Variants in APPBP2 observed in about 807,000 individuals in gnomAD.
APPBP2 encodes the protein amyloid protein-binding protein 2.
A neutral mutation model predicts 76.0 loss-of-function variants in APPBP2; 15 were observed. The ratio of observed to expected loss-of-function variants is 0.20; its 90% CI spans 0.13 to 0.30. APPBP2 has a LOEUF of 0.30. Among genes scored for constraint, APPBP2 ranks in the 10% least tolerant of loss-of-function variants. The pLI is 1.00. For missense variants in APPBP2, 401 were observed against 687.2 expected, an observed-to-expected ratio of 0.58 and a Z score of 4.66; for synonymous variants, 222 against 242.2, an observed-to-expected ratio of 0.92 and a Z score of 0.77.
intron 1 of APPBP2, among the ~76,000 whole-genome samples, chr17:60,521,838 A>G (rs2143509582): frequency 6.6e-6 from 1 of 152,262 alleles, no homozygotes; most frequent in Admixed American, 6.5e-5. Context: ...GCCCAAGACA[A>G]TTTATCTTCT....
At chr17:60,470,395 G>A (rs113520117) in intron 4 of APPBP2, among the ~76,000 whole-genome samples, 1 of 151,970 alleles carries the variant, frequency 6.6e-6, no homozygotes, top group Non-Finnish European at 1.5e-5. Flanking sequence ...ACGTAGCTGA[G>A]ACGACAGGCC....
At chr17:60,519,964 T>G (rs1392693581) in intron 1 of APPBP2, among the ~76,000 whole-genome samples, 1 of 151,528 alleles carries the variant, frequency 6.6e-6, no homozygotes, top group East Asian at 2.0e-4. Context: ...TTTTCTTTGT[T>G]CTAGAGATGG....
chr17:60,502,452 ATAAATACAAACAT>A (rs1275014737), intron 1 of APPBP2, among the ~76,000 whole-genome samples: 2 of 152,262 alleles, frequency 1.3e-5, no homozygotes, highest in Non-Finnish European at 2.9e-5. Flanking sequence ...AGTTACCAAA[ATAAATACAAACAT>A]ACACTCCAAA....
At chr17:60,457,552 G>A (rs2090440564) in intron 9 of APPBP2, among the ~76,000 whole-genome samples, 1 of 151,812 alleles carries the variant, frequency 6.6e-6, no homozygotes, top group Non-Finnish European at 1.5e-5. Context: ...TCAGCCTCCC[G>A]GATAGGTGGG....
chr17:60,518,017 G>T lies in APPBP2; in HGVS notation c.138+7777C>A, dbSNP rs894597559. ...GTATTAGAAAACATGCCCTTCATCT[G>T]TCAAATGCTGTCATCTGCATAGTGT... On this transcript the variant is annotated intron_variant, in intron 1 of 12. Coordinates refer to ENST00000083182, the MANE Select transcript of APPBP2 (RefSeq NM_006380.5). Among the ~76,000 whole-genome samples, 3 of 149,936 alleles carry T rather than the reference G, an allele frequency of 2.0e-5. No homozygotes were observed. The East Asian group carries it at 5.8e-4, about 29-fold the overall frequency.
intron 1 of APPBP2, among the ~76,000 whole-genome samples, chr17:60,513,997 T>TAAAA (rs35785295): frequency 2.8e-5 from 3 of 108,562 alleles, no homozygotes; most frequent in Non-Finnish European, 1.9e-5. Context: ...TTCCCCACAT[T>TAAAA]AAAAAAAAAA....
At chr17:60,495,951 C>T (rs2090772591) in intron 2 of APPBP2, among the ~76,000 whole-genome samples, 1 of 151,876 alleles carries the variant, frequency 6.6e-6, no homozygotes, top group Non-Finnish European at 1.5e-5. Flanking sequence ...AATTATTCAG[C>T]CATAAAAAAG....
chr17:60,510,253 A>G (rs980739320), intron 1 of APPBP2, among the ~76,000 whole-genome samples: 23 of 152,074 alleles, frequency 1.5e-4, no homozygotes, highest in African/African-American at 5.3e-4. Flanking sequence ...AAAATAAAAA[A>G]TTAGCCAGAC....
Position 60,452,074 on chromosome 17 carries a change from T to C in APPBP2, c.1339-29A>G, listed in dbSNP as rs376089888. 17 of 1,605,234 alleles carry C rather than the reference T, an allele frequency of 1.1e-5. No homozygotes were observed. The African/African-American group carries it at 2.0e-4, about 19-fold the overall frequency. ...AAAAACAATTATGCCATATCAATCATTATACTTTTTCTCATCTTAACAGTT... is the reference window on the plus strand; with the variant it reads ...AAAAACAATTATGCCATATCAATCACTATACTTTTTCTCATCTTAACAGTT... On this transcript the variant is annotated intron_variant, in intron 11 of 12. Coordinates refer to ENST00000083182, the MANE Select transcript of APPBP2 (RefSeq NM_006380.5).
chr17:60,495,808 T>C (rs913534349), intron 2 of APPBP2, among the ~76,000 whole-genome samples: 1 of 152,152 alleles, frequency 6.6e-6, no homozygotes, highest in African/African-American at 2.4e-5. Context: ...GAATTGAGAC[T>C]ATATACACAC....
chr17:60,507,423 T>TG (rs1443459105), intron 1 of APPBP2, among the ~76,000 whole-genome samples: 2 of 152,146 alleles, frequency 1.3e-5, no homozygotes, highest in Non-Finnish European at 2.9e-5. Flanking sequence ...GATTTTGCCA[T>TG]GTTGGCCAGG....
intron 2 of APPBP2, among the ~76,000 whole-genome samples, chr17:60,499,692 CA>C (rs1439914889): frequency 6.6e-6 from 1 of 152,040 alleles, no homozygotes. Context: ...AATAGATAAA[CA>C]AAATGTGGTA....
intron 9 of APPBP2, 91 bp from the exon 10 acceptor site, chr17:60,456,472 T>C (rs1201845228): frequency 7.3e-6 from 6 of 818,378 alleles, no homozygotes; most frequent in South Asian, 1.5e-5. Flanking sequence ...ATAATATTGA[T>C]AGAAAGTACT....
At chr17:60,514,143 C>CA (rs2090943902) in intron 1 of APPBP2, among the ~76,000 whole-genome samples, 1 of 151,804 alleles carries the variant, frequency 6.6e-6, no homozygotes, top group African/African-American at 2.4e-5. Context: ...CTCATCTCTA[C>CA]AAAAAATACA....
chr17:60,479,029 A>C, intron 4 of APPBP2, 119 bp downstream of exon 4: 1 of 967,258 alleles, frequency 1.0e-6, no homozygotes, highest in Non-Finnish European at 1.5e-6. Context: ...TGAAACTATG[A>C]CATATAAATA....
At chr17:60,500,515 A>C (rs752172670) in intron 1 of APPBP2, 28 bp from the exon 2 acceptor site, 2 of 1,534,348 alleles carry the variant, frequency 1.3e-6, no homozygotes, top group South Asian at 2.4e-5. Context: ...TGATTTAAAA[A>C]TTTTGCAATT....
chr17:60,509,596 A>G (rs1443510389), intron 1 of APPBP2, among the ~76,000 whole-genome samples: 1 of 152,118 alleles, frequency 6.6e-6, no homozygotes, highest in African/African-American at 2.4e-5. Flanking sequence ...TGAGGTTGGG[A>G]GTTTGAGACC....
chr17:60,523,326 T>C (rs571438602), intron 1 of APPBP2, among the ~76,000 whole-genome samples: 1 of 150,898 alleles, frequency 6.6e-6, no homozygotes, highest in South Asian at 2.1e-4. Flanking sequence ...TCATCTATAC[T>C]AAAAATTAAA....
Position 60,447,020 on chromosome 17 carries a change from AAT to A in APPBP2, c.*559_*560del, listed in dbSNP as rs1457190449. 6.5e-6 allele frequency: 1 copy of A among 152,776 alleles called. No homozygotes were observed. The allele number at this position is 152,776 out of a possible 1,614,324, so 9.5% of individuals were successfully genotyped here. On this transcript the variant is annotated 3_prime_UTR_variant, in exon 13 of 13. Coordinates refer to ENST00000083182, the MANE Select transcript of APPBP2 (RefSeq NM_006380.5). ...ATGAATCTGACAGTCCTTTCCTTGTAATATAGAGTGGTTGTATCCACTTATCT... is the reference window on the plus strand; with the variant it reads ...ATGAATCTGACAGTCCTTTCCTTGTAATAGAGTGGTTGTATCCACTTATCT...
Sources: allele counts gnomAD v4.1 joint callset (sites outside exome capture counted in the v4.1 genomes callset), GRCh38; gene constraint gnomAD v4.1.1; transcripts MANE v1.5; gene names NCBI Gene and HGNC (gene_info 2026-07-23, HGNC 2026-07-21).